Variants in CFAP52 observed in about 807,000 individuals in gnomAD.
The protein encoded by CFAP52 is cilia- and flagella-associated protein 52.
A neutral mutation model predicts 70.5 loss-of-function variants in CFAP52; 57 were observed. That is an observed-to-expected ratio of 0.81 (90% CI 0.65 to 1.01). The LOEUF is 1.01. Ranked by LOEUF, CFAP52 falls within the 50% of genes least tolerant of loss-of-function variation. The pLI is 0.00. For synonymous variants in CFAP52, 267 were observed against 292.5 expected (o/e 0.91, Z 0.89); for missense variants, 785 against 788.5 (o/e 1.00, Z 0.05).
At chr17:9,630,474 G>A (rs1597792660) in intron 9 of CFAP52, among the ~76,000 whole-genome samples, 1 of 146,032 alleles carries the variant, frequency 6.8e-6, no homozygotes, top group East Asian at 2.1e-4. Flanking sequence ...CTGTCTCCCA[G>A]GCTGGAGTGC....
intron 8 of CFAP52, among the ~76,000 whole-genome samples, chr17:9,614,419 G>A (rs1054701503): frequency 2.0e-5 from 3 of 152,088 alleles, no homozygotes; most frequent in South Asian, 2.1e-4. Flanking sequence ...GCCTCCCAAA[G>A]TGCTGGGATT....
At chr17:9,631,299 C>G (rs940871841) in intron 9 of CFAP52, among the ~76,000 whole-genome samples, 1 of 152,052 alleles carries the variant, frequency 6.6e-6, no homozygotes, top group Non-Finnish European at 1.5e-5. Context: ...CTCAAACACA[C>G]TGGGCATAGA....
At chr17:9,639,798 C>T (rs937443242) in intron 12 of CFAP52, among the ~76,000 whole-genome samples, 10 of 152,188 alleles carry the variant, frequency 6.6e-5, no homozygotes, top group African/African-American at 2.4e-4. Context: ...CAGAAGGACT[C>T]AGTCAATGCC....
At chr17:9,612,624 AC>A in intron 8 of CFAP52, 145 bp downstream of exon 8, 1 of 938,116 alleles carries the variant, frequency 1.1e-6, no homozygotes, top group South Asian at 2.0e-5. Flanking sequence ...ATTTTAAGAG[AC>A]TTTCCATTGT....
chr17:9,623,539 G>A (rs748991785), intron 8 of CFAP52, among the ~76,000 whole-genome samples: 1 of 152,082 alleles, frequency 6.6e-6, no homozygotes, highest in Non-Finnish European at 1.5e-5. Context: ...GAAATTAAGA[G>A]AAGAAAAAAT....
At chr17:9,641,678 C>T in intron 12 of CFAP52, 46 bp from the exon 13 acceptor site, 1 of 1,434,628 alleles carries the variant, frequency 7.0e-7, no homozygotes, top group Non-Finnish European at 9.8e-7. Flanking sequence ...GCATGGATGA[C>T]TCTCCTGAGC....
At chr17:9,604,482 T>G (rs1206562654) in intron 6 of CFAP52, among the ~76,000 whole-genome samples, 14 of 152,094 alleles carry the variant, frequency 9.2e-5, no homozygotes. Flanking sequence ...GATATACAGA[T>G]GGCAGCCGGG....
rs1908999844 is a variant in CFAP52 at position 9,596,067 on chromosome 17, A to ATG, written c.536+1747_536+1748insGT. Reference sequence around the variant, plus strand: ...TAGATATATATGTGTGTGTATATATATATATATATATATATATATATATAT... The same window carrying ATG: ...TAGATATATATGTGTGTGTATATATATGTATATATATATATATATATATATAT... On this transcript the variant is annotated intron_variant, in intron 4 of 13. Transcript: ENST00000352665. Among the ~76,000 whole-genome samples, 6 of 84,832 alleles carry ATG rather than the reference A, an allele frequency of 7.1e-5. No homozygotes were observed. The Admixed American group carries it at 7.8e-4, about 11-fold the overall frequency. The allele number at this position is 84,832 out of a possible 152,430, so 55.7% of individuals were successfully genotyped here. A position where few individuals can be genotyped will look rare whatever the true frequency, so the allele number is the denominator to read the frequency against.
intron 10 of CFAP52, 36 bp from the exon 11 acceptor site, chr17:9,635,369 A>G: frequency 6.2e-7 from 1 of 1,612,300 alleles, no homozygotes; most frequent in Non-Finnish European, 8.5e-7. Flanking sequence ...AGAAGTCCCA[A>G]GTGTGGATCA....
At chr17:9,593,730 A>G (rs944132362) in intron 3 of CFAP52, among the ~76,000 whole-genome samples, 1 of 152,172 alleles carries the variant, frequency 6.6e-6, no homozygotes, top group African/African-American at 2.4e-5. Flanking sequence ...TGCTGGGATT[A>G]CAGATGTGAG....
intron 5 of CFAP52, among the ~76,000 whole-genome samples, chr17:9,598,729 C>T (rs1489413357): frequency 7.0e-6 from 1 of 143,394 alleles, no homozygotes; most frequent in Non-Finnish European, 1.5e-5. Context: ...CCACTGCACT[C>T]CAGCCTGGAC....
rs891010568 is a variant in CFAP52 at position 9,611,244 on chromosome 17, A to G, written c.855-1065A>G. Among the ~76,000 whole-genome samples the G allele has an allele frequency of 1.7e-4, 14 of 82,086 alleles. No individual in the cohort carries two copies. The East Asian group carries it at 3.5e-3, about 21-fold the overall frequency. 53.9% of individuals were successfully genotyped at this position (82,086 alleles called of 152,430 possible). ...ATCCTAGGGCCTCATTCATGTATAT[A>G]CTTTTTTTTTTTAAGTTCATACTCA... On this transcript the variant is annotated intron_variant, in intron 7 of 13. Coordinates refer to ENST00000352665, the MANE Select transcript of CFAP52 (RefSeq NM_145054.5).
chr17:9,634,876 T>C (rs1404444868), intron 10 of CFAP52, among the ~76,000 whole-genome samples: 1 of 152,248 alleles, frequency 6.6e-6, no homozygotes, highest in Non-Finnish European at 1.5e-5. Flanking sequence ...GTATTACCTA[T>C]GAATTTCACT....
At chr17:9,607,097 T>C (rs897406383) in intron 6 of CFAP52, among the ~76,000 whole-genome samples, 1 of 152,046 alleles carries the variant, frequency 6.6e-6, no homozygotes, top group African/African-American at 2.4e-5. Flanking sequence ...TGTAATCCCA[T>C]CACTTTGGGA....
chr17:9,600,247 T>G lies in CFAP52; in HGVS notation c.753+64T>G, dbSNP rs1909210275. On this transcript the variant is annotated intron_variant, in intron 6 of 13. Coordinates refer to ENST00000352665, the MANE Select transcript of CFAP52 (RefSeq NM_145054.5). ...CCCTTCACTGGCAGCATGTACTTTTTTTTTTCCTTTTTGAGATGCAGTCTT... is the reference window on the plus strand; with the variant it reads ...CCCTTCACTGGCAGCATGTACTTTTGTTTTTCCTTTTTGAGATGCAGTCTT... 2.9e-6 allele frequency: 4 copies of G among 1,400,348 alleles called. No individual in the cohort carries two copies. In the South Asian group the frequency reaches 4.7e-5, roughly 16 times the overall value. The allele number at this position is 1,400,348 out of a possible 1,614,324, so 86.7% of individuals were successfully genotyped here.
rs565599325 is a variant in CFAP52, at chr17:9,633,380, T to A, written c.1320+347T>A. 5.3e-5 allele frequency among the ~76,000 whole-genome samples: 8 copies of A among 151,976 alleles called. 1 individual carries two copies. In the South Asian group the frequency reaches 1.7e-3, roughly 32 times the overall value. On this transcript the variant is annotated intron_variant, in intron 10 of 13. Transcript: ENST00000352665. Reference sequence around the variant, plus strand: ...CCGTCATGCCCAGCTAATTTTTCTATTTTTAGTAGAGATGGGGTTTCACCA... The same window carrying A: ...CCGTCATGCCCAGCTAATTTTTCTAATTTTAGTAGAGATGGGGTTTCACCA...
intron 5 of CFAP52, among the ~76,000 whole-genome samples, chr17:9,598,905 G>T (rs1909145058): frequency 6.6e-6 from 1 of 152,052 alleles, no homozygotes; most frequent in Non-Finnish European, 1.5e-5. Flanking sequence ...GCCTCACCTG[G>T]ATGAAAGCAA....
chr17:9,631,359 G>T (rs563053687), intron 9 of CFAP52, among the ~76,000 whole-genome samples: 41 of 152,152 alleles, frequency 2.7e-4, no homozygotes, highest in African/African-American at 9.4e-4. Context: ...TCTTTCCCTA[G>T]ATACCTCCAT....
intron 11 of CFAP52, among the ~76,000 whole-genome samples, chr17:9,637,334 C>G (rs1037785084): frequency 2.6e-5 from 4 of 152,178 alleles, no homozygotes; most frequent in African/African-American, 7.2e-5. Flanking sequence ...GTGACTGCCT[C>G]AAATCCTTAA....
Sources: allele counts gnomAD v4.1 joint callset (sites outside exome capture counted in the v4.1 genomes callset), GRCh38; gene constraint gnomAD v4.1.1; transcripts MANE v1.5; gene names NCBI Gene and HGNC (gene_info 2026-07-23, HGNC 2026-07-21).